ZNF777: variants seen among roughly 807,000 people sequenced by gnomAD.
ZNF777 encodes zinc finger protein 777.
In ZNF777, 7 loss-of-function variants were observed where a neutral mutation model predicts 72.1. The observed-to-expected ratio is 0.10, with a 90% CI of 0.06 to 0.18. ZNF777 has a LOEUF of 0.18. Among genes scored for constraint, ZNF777 ranks in the 10% least tolerant of loss-of-function variants. The pLI is 1.00. For synonymous variants in ZNF777, 545 were observed against 483.5 expected, an observed-to-expected ratio of 1.13 and a Z score of -1.67; for missense variants, 828 against 1,128.6, an observed-to-expected ratio of 0.73 and a Z score of 3.82.
Position 149,455,107 on chromosome 7 carries a change from A to G in ZNF777, c.846+70T>C. ...ATCAACCACCCCTTTCTTTCATATTACACTACATTCCTAAACCACACTCCA... is the reference window on the plus strand; with the variant it reads ...ATCAACCACCCCTTTCTTTCATATTGCACTACATTCCTAAACCACACTCCA... On this transcript the variant is annotated intron_variant, in intron 2 of 5. Transcript: ENST00000247930. The surrounding 1 kb of genome is among the most constrained non-coding windows in gnomAD (Gnocchi z 4.2). 1 of 1,518,916 alleles carries G rather than the reference A, an allele frequency of 6.6e-7. No homozygotes were observed. The highest frequency in any genetic ancestry group is 1.3e-5 in the South Asian group (1 of 75,656). The allele number at this position is 1,518,916 out of a possible 1,614,324, so 94.1% of individuals were successfully genotyped here.
rs1295944994 is a variant in ZNF777, at chr7:149,448,577, A to AGTTATATAGTTAT, written c.1087+2421_1087+2422insATAACTATATAAC. Among the ~76,000 whole-genome samples the AGTTATATAGTTAT allele has an allele frequency of 6.6e-4, 39 of 58,898 alleles. No individual in the cohort carries two copies. The South Asian group carries it at 0.021, about 32-fold the overall frequency. The allele number at this position is 58,898 out of a possible 152,430, so 38.6% of individuals were successfully genotyped here. On this transcript the variant is annotated intron_variant, in intron 4 of 5. Coordinates refer to ENST00000247930, the MANE Select transcript of ZNF777 (RefSeq NM_015694.3). ...CATATAGTTATATAGTTATACATAT[A>AGTTATATAGTTAT]ACTATATATATATATATATATATAT...
In ZNF777 at chr7:149,454,115, G is replaced by A. The variant is rs1451067661; in HGVS notation, c.969C>T (p.Ser323=). The change falls in exon 3 of 6, where the codon TCC becomes TCT. Residue 323 remains serine, a synonymous_variant. Transcript: ENST00000247930. ...VMRGNYESLV[S]MDYAISKPDL... is the part of the protein sequence containing the mutation. ...CGAGCGAAGGCTTCTCCTTACCCAT[G>A]GAAACCAGGGACTCGTAGTTGCCCC... 8 of 1,614,048 alleles carry A rather than the reference G, an allele frequency of 5.0e-6. No homozygotes were observed. Among genetic ancestry groups the A allele is most frequent in the African/African-American group, 1.3e-5 (1 of 74,934 alleles).
At chr7:149,438,661 G>T (rs187030849) in intron 4 of ZNF777, among the ~76,000 whole-genome samples, 2 of 152,138 alleles carry the variant, frequency 1.3e-5, no homozygotes, top group African/African-American at 2.4e-5. Flanking sequence ...AAAGAGAAAA[G>T]AAGCCAGGAG....
chr7:149,432,691 G>C lies in ZNF777; in HGVS notation c.1581C>G (p.Ser527Arg). The C allele has an allele frequency of 6.2e-7, 1 of 1,612,848 alleles. No homozygotes were observed. The change falls in exon 6 of 6, where the codon AGC becomes AGG. Residue 527 changes from serine (S) to arginine (R), a missense_variant. Physicochemically the swap from Ser to Arg is moderately radical, Grantham distance 110. Transcript: ENST00000247930. ...APSVHGERHL[S>R]ENRGASSQQQ... ...GCTGGCTCGAGGCCCCGCGGTTCTC[G>C]CTCAGGTGCCGCTCACCGTGCACGG...
chr7:149,432,814 C>T lies in ZNF777; in HGVS notation c.1458G>A (p.Met486Ile), dbSNP rs2116566151. ...TCTCCCCGGGCAGCGGGGTCTGGTA[C>T]ATACTGGCCTCATATCTCCCGGACA... ...GQLSGRYEAS[M>I]YQTPLPGEMS... is the part of the protein sequence containing the mutation. Residue 486 changes from methionine to isoleucine, a missense_variant, in exon 6 of 6, where the codon ATG (methionine) becomes ATA (isoleucine). Met to Ile is a conservative substitution (Grantham distance 10). This residue lies in a region of ZNF777 where 219 missense variants were observed against 223.0 expected (regional missense o/e 0.98). Transcript: ENST00000247930. 6.2e-7 allele frequency: 1 copy of T among 1,602,662 alleles called. No individual in the cohort carries two copies. Among genetic ancestry groups the T allele is most frequent in the East Asian group, 2.2e-5 (1 of 44,586 alleles).
chr7:149,448,486 T>A (rs1799644352), intron 4 of ZNF777, among the ~76,000 whole-genome samples: 1 of 9,184 alleles, frequency 1.1e-4, no homozygotes, highest in Non-Finnish European at 2.7e-4. Flanking sequence ...AAAACAAAAC[T>A]ATATATATAT....
intron 4 of ZNF777, among the ~76,000 whole-genome samples, chr7:149,449,001 C>T (rs1215842200): frequency 2.6e-5 from 4 of 152,116 alleles, no homozygotes; most frequent in South Asian, 2.1e-4. Context: ...GGACTTTTAC[C>T]CCTTTGTCTC....
At chr7:149,434,963 A>C (rs1388398200) in intron 5 of ZNF777, among the ~76,000 whole-genome samples, 1 of 152,014 alleles carries the variant, frequency 6.6e-6, no homozygotes, top group African/African-American at 2.4e-5. Context: ...AACTCCACAA[A>C]CTACTGTTTA....
rs565979948 is a variant in ZNF777 at position 149,432,025 on chromosome 7, C to G, written c.2247G>C (p.Pro749=). The G allele has an allele frequency of 6.2e-7, 1 of 1,603,602 alleles. No homozygotes were observed. Among genetic ancestry groups the G allele is most frequent in the East Asian group, 2.2e-5 (1 of 44,540 alleles). Residue 749 remains proline (P), a synonymous_variant, in exon 6 of 6, where the codon CCG becomes CCC. Transcript: ENST00000247930. ...TCTTGCCGCACTCGGGGCAGGCGTG[C>G]GGCCGCTCGCGCGAGTGCACGCGGC... ...NHCRVHSRER[P]HACPECGKSF...
In ZNF777 at chr7:149,436,940, C is replaced by A; in HGVS notation, c.1088-114G>T. On this transcript the variant is annotated intron_variant, in intron 4 of 5. Coordinates refer to ENST00000247930, the MANE Select transcript of ZNF777 (RefSeq NM_015694.3). This position sits in a 1 kb window ranked among gnomAD's most constrained non-coding sequence, Gnocchi z 5.0. ...ATCTCAATAAGTCTTATCTTAGAGA[C>A]CCTGAAGAAATGTAATATTGAGTTG... The A allele has an allele frequency of 7.5e-7, 1 of 1,331,996 alleles. No homozygotes were observed. Among genetic ancestry groups the A allele is most frequent in the Non-Finnish European group, 1.0e-6 (1 of 977,456 alleles). 82.5% of individuals were successfully genotyped at this position (1,331,996 alleles called of 1,614,324 possible).
chr7:149,432,987 T>C, intron 5 of ZNF777, 55 bp from the exon 6 acceptor site: 2 of 1,447,272 alleles, frequency 1.4e-6, no homozygotes, highest in Non-Finnish European at 1.8e-6. Context: ...GCCCCTAACC[T>C]ACCTGGATGG....
intron 1 of ZNF777, 21 bp from the exon 2 acceptor site, chr7:149,456,058 A>G: frequency 6.5e-7 from 1 of 1,526,774 alleles, no homozygotes; most frequent in Non-Finnish European, 8.8e-7. Context: ...GGAAGAAAGG[A>G]AAAGAGGATT....
rs1260670878 is a variant in ZNF777 at position 149,455,859 on chromosome 7, G to A, written c.164C>T (p.Ser55Phe). 4 of 1,614,060 alleles carry A rather than the reference G, an allele frequency of 2.5e-6. No individual in the cohort carries two copies. Among genetic ancestry groups the A allele is most frequent in the East Asian group, 4.5e-5 (2 of 44,844 alleles). ...GGGAGCACTGGAAGTTTGGGGCAGG[G>A]AGCCTTGACGGGGAATGGTGGGAGA... ...SLSPTIPRQG[S>F]LPQTSSAPKQ... is the part of the protein sequence containing the mutation. Residue 55 changes from serine to phenylalanine, a missense_variant, in exon 2 of 6, where the codon TCC (serine) becomes TTC (phenylalanine). Ser to Phe is a radical substitution (Grantham distance 155). Transcript: ENST00000247930. This position sits in a 1 kb window ranked among gnomAD's most constrained non-coding sequence, Gnocchi z 4.2.
intron 4 of ZNF777, among the ~76,000 whole-genome samples, chr7:149,437,658 T>C (rs1799437142): frequency 6.6e-6 from 1 of 152,184 alleles, no homozygotes; most frequent in Middle Eastern, 3.2e-3. Context: ...CAGTATTTTT[T>C]TCCATCTAAT....
intron 1 of ZNF777, among the ~76,000 whole-genome samples, chr7:149,457,711 C>A (rs745592937): frequency 6.6e-6 from 1 of 152,202 alleles, no homozygotes; most frequent in Non-Finnish European, 1.5e-5. Flanking sequence ...GCCTCTGCCG[C>A]GAACCAGACA....
chr7:149,445,647 G>A (rs1799588473), intron 4 of ZNF777, among the ~76,000 whole-genome samples: 3 of 152,266 alleles, frequency 2.0e-5, no homozygotes, highest in African/African-American at 7.2e-5. Context: ...ACATCTGCAC[G>A]TCAAGTCTCC....
intron 3 of ZNF777, among the ~76,000 whole-genome samples, chr7:149,452,282 C>CAG (rs71531622): frequency 6.7e-6 from 1 of 149,382 alleles, no homozygotes; most frequent in Non-Finnish European, 1.5e-5. Flanking sequence ...AACAAACAAA[C>CAG]AAACAAACAA....
intron 2 of ZNF777, 125 bp from the exon 3 acceptor site, chr7:149,454,362 C>T (rs1799780965): frequency 8.0e-7 from 1 of 1,247,900 alleles, no homozygotes; most frequent in East Asian, 2.5e-5. Context: ...GAAGTCTGGC[C>T]ACTGTCCTGG....
Position 149,436,822 on chromosome 7 carries a change from G to A in ZNF777, c.1092C>T (p.His364=), listed in dbSNP as rs370155055. 45 of 1,606,198 alleles carry A rather than the reference G, an allele frequency of 2.8e-5. No homozygotes were observed. The African/African-American group carries it at 4.3e-4, about 15-fold the overall frequency. The change falls in exon 5 of 6, where the codon CAC becomes CAT. Residue 364 remains histidine (H), a synonymous_variant. Coordinates refer to ENST00000247930, the MANE Select transcript of ZNF777 (RefSeq NM_015694.3). This position sits in a 1 kb window ranked among gnomAD's most constrained non-coding sequence, Gnocchi z 5.0. ...GETPTDPSAA[H]DGIVIKIEVQ... is the part of the protein sequence containing the mutation. ...CCTCGATCTTAATCACGATCCCATCGTGCGCTGAGAGAGGGTGGGCAGGGG... is the reference window on the plus strand; with the variant it reads ...CCTCGATCTTAATCACGATCCCATCATGCGCTGAGAGAGGGTGGGCAGGGG...
Sources: allele counts gnomAD v4.1 joint callset (sites outside exome capture counted in the v4.1 genomes callset), GRCh38; gene constraint gnomAD v4.1.1; regional missense constraint gnomAD v4.1.1; non-coding constraint Gnocchi (gnomAD v3.1); transcripts MANE v1.5; gene names NCBI Gene and HGNC (gene_info 2026-07-23, HGNC 2026-07-21).